The following RHD variants were observed in gnomAD, a reference collection of about 807,000 sequenced individuals.
RHD encodes blood group Rh(D) polypeptide.
RHD carries 16 observed loss-of-function variants against 45.5 expected under a neutral mutation model. That is an observed-to-expected ratio of 0.35 (90% CI 0.24 to 0.53). RHD has a LOEUF of 0.53. Ranked by LOEUF, RHD falls within the 20% of genes least tolerant of loss-of-function variation. The pLI is 0.92. For synonymous variants in RHD, 131 were observed against 217.5 expected, an observed-to-expected ratio of 0.60 and a Z score of 3.50; for missense variants, 306 against 532.0, an observed-to-expected ratio of 0.58 and a Z score of 4.18.
intron 6 of RHD, among the ~76,000 whole-genome samples, chr1:25,305,078 A>T (rs1466457263): frequency 4.5e-5 from 6 of 132,852 alleles, no homozygotes; most frequent in South Asian, 2.3e-4. Context: ...TGAGAACAGC[A>T]AGAGGGCACA....
chr1:25,302,280 T>C lies in RHD; in HGVS notation c.801+594T>C, dbSNP rs867067270. Among the ~76,000 whole-genome samples, 45 of 127,878 alleles carry C rather than the reference T, an allele frequency of 3.5e-4. 15 individuals carry two copies. The highest frequency in any genetic ancestry group is 7.6e-4 in the Admixed American group (10 of 13,154). 83.9% of individuals were successfully genotyped at this position (127,878 alleles called of 152,430 possible). On this transcript the variant is annotated intron_variant, in intron 5 of 9. Transcript: ENST00000328664. Reference sequence around the variant, plus strand: ...TGTGTGTGAGTCTTGTGGGCAGAGATGGGTGAGAGGGGAGACAAAACAAGT... The same window carrying C: ...TGTGTGTGAGTCTTGTGGGCAGAGACGGGTGAGAGGGGAGACAAAACAAGT...
chr1:25,305,407 TA>T (rs1643728406), intron 6 of RHD, among the ~76,000 whole-genome samples: 1 of 97,462 alleles, frequency 1.0e-5, no homozygotes, highest in Non-Finnish European at 2.2e-5. Context: ...TTTATTTATT[TA>T]TTTATTGAGA....
rs1354542719 is a variant in RHD at position 25,308,978 on chromosome 1, G to A, written c.1073+2249G>A. 1.5e-5 allele frequency among the ~76,000 whole-genome samples: 2 copies of A among 131,616 alleles called. 1 individual carries two copies. Among genetic ancestry groups the A allele is most frequent in the African/African-American group, 5.3e-5 (2 of 37,996 alleles). 86.3% of individuals were successfully genotyped at this position (131,616 alleles called of 152,430 possible). ...AGATTTAGCAACAGAACATAGCCCC[G>A]TTCTTTATGATGACTGATGCTGCAT... On this transcript the variant is annotated intron_variant, in intron 7 of 9. Transcript: ENST00000328664.
intron 7 of RHD, among the ~76,000 whole-genome samples, chr1:25,310,007 T>C (rs551172124): frequency 1.5e-5 from 2 of 132,884 alleles, no homozygotes; most frequent in South Asian, 4.6e-4. Flanking sequence ...CCAACTTATA[T>C]AGTATAAGCT....
At chr1:25,313,775 T>A (rs149991160) in intron 7 of RHD, among the ~76,000 whole-genome samples, 1,720 of 132,092 alleles carry the variant, frequency 0.013, 244 homozygotes, top group African/African-American at 0.041. Flanking sequence ...AAAACACATA[T>A]GTTAGAATTT....
rs1271548263 is a variant in RHD at position 25,316,417 on chromosome 1, C to T, written c.1074-583C>T. Among the ~76,000 whole-genome samples, 5 of 128,290 alleles carry T rather than the reference C, an allele frequency of 3.9e-5. 1 individual carries two copies. Among genetic ancestry groups the T allele is most frequent in the Non-Finnish European group, 7.3e-5 (4 of 54,616 alleles). The allele number at this position is 128,290 out of a possible 152,430, so 84.2% of individuals were successfully genotyped here. A position where few individuals can be genotyped will look rare whatever the true frequency, so the allele number is the denominator to read the frequency against. On this transcript the variant is annotated intron_variant, in intron 7 of 9. Transcript: ENST00000328664. Reference sequence around the variant, plus strand: ...GGCAGATCACTTGAGGTCAGGAGTTCGAGATCACCCTGGTCAACATGGTGA... The same window carrying T: ...GGCAGATCACTTGAGGTCAGGAGTTTGAGATCACCCTGGTCAACATGGTGA...
intron 6 of RHD, among the ~76,000 whole-genome samples, chr1:25,305,580 TA>T (rs1429604253): frequency 7.6e-5 from 9 of 117,958 alleles, no homozygotes; most frequent in African/African-American, 2.7e-4. Flanking sequence ...TGTGTGTATG[TA>T]TTTTGTTGTT....
At chr1:25,323,561 G>C (rs1644827779) in intron 9 of RHD, among the ~76,000 whole-genome samples, 1 of 126,234 alleles carries the variant, frequency 7.9e-6, no homozygotes, top group East Asian at 2.0e-4. Context: ...CCAGGCTCAG[G>C]AGATCCTCCC....
chr1:25,315,732 A>G (rs1644406499), intron 7 of RHD, among the ~76,000 whole-genome samples: 2 of 129,356 alleles, frequency 1.5e-5, no homozygotes, highest in Admixed American at 7.5e-5. Flanking sequence ...TCCTGACCTC[A>G]TGATCTGCCC....
In RHD at chr1:25,282,529, G is replaced by T. The variant is rs1403155292; in HGVS notation, c.149-2044G>T. On this transcript the variant is annotated intron_variant, in intron 1 of 9. Coordinates refer to ENST00000328664, the MANE Select transcript of RHD (RefSeq NM_016124.6). ...TTTATATGTCCAAAAGAGTCAACTG[G>T]TGGCAATTTAGTGAGGTTTAATCTA... is the stretch of plus-strand genomic sequence containing the variant. Among the ~76,000 whole-genome samples, 2 of 132,276 alleles carry T rather than the reference G, an allele frequency of 1.5e-5. 1 individual carries two copies. The highest frequency in any genetic ancestry group is 1.5e-4 in the Admixed American group (2 of 13,520). The allele number at this position is 132,276 out of a possible 152,430, so 86.8% of individuals were successfully genotyped here.
chr1:25,299,511 C>T (rs1406589674), intron 3 of RHD, among the ~76,000 whole-genome samples: 7 of 131,958 alleles, frequency 5.3e-5, no homozygotes, highest in African/African-American at 1.8e-4. Context: ...TCCCTCCACC[C>T]TGCCCTTGTT....
chr1:25,279,853 A>G (rs1404872967), intron 1 of RHD, among the ~76,000 whole-genome samples: 1 of 130,116 alleles, frequency 7.7e-6, no homozygotes, highest in South Asian at 2.3e-4. Flanking sequence ...TAGCACATCC[A>G]CTTCTTATCA....
In RHD at chr1:25,312,593, TA is replaced by T. The variant is rs1186921935; in HGVS notation, c.1074-4400del. Among the ~76,000 whole-genome samples the T allele has an allele frequency of 1.6e-5, 2 of 127,714 alleles. 1 individual carries two copies. Among genetic ancestry groups the T allele is most frequent in the Non-Finnish European group, 3.7e-5 (2 of 54,092 alleles). 83.8% of individuals were successfully genotyped at this position (127,714 alleles called of 152,430 possible). On this transcript the variant is annotated intron_variant, in intron 7 of 9. Transcript: ENST00000328664. ...GACCTGTCTCTACAAAAAATAAAAA[TA>T]AAAAAATTAGCCAGGTATTGTGGCA...
chr1:25,276,548 A>C (rs1361440616), intron 1 of RHD, among the ~76,000 whole-genome samples: 1 of 125,192 alleles, frequency 8.0e-6, no homozygotes, highest in African/African-American at 2.8e-5. Context: ...AAAAAAAAAA[A>C]AAAAAAACTT....
At position 25,312,982 on chromosome 1, in the gene RHD, C is replaced by T. The variant is rs1644249165; in HGVS notation, c.1074-4018C>T. Among the ~76,000 whole-genome samples the T allele has an allele frequency of 2.2e-5, 2 of 89,352 alleles. 1 individual carries two copies. Among genetic ancestry groups the T allele is most frequent in the Admixed American group, 2.7e-4 (2 of 7,424 alleles). The allele number at this position is 89,352 out of a possible 152,430, so 58.6% of individuals were successfully genotyped here. On this transcript the variant is annotated intron_variant, in intron 7 of 9. Coordinates refer to ENST00000328664, the MANE Select transcript of RHD (RefSeq NM_016124.6). Reference sequence around the variant, plus strand: ...TTTAGTGCTATTGGAATGAATTTTGCATGTAAGAAGGACATGCATTTTGGG... The same window carrying T: ...TTTAGTGCTATTGGAATGAATTTTGTATGTAAGAAGGACATGCATTTTGGG...
At chr1:25,319,525 G>C (rs1644585062) in intron 8 of RHD, among the ~76,000 whole-genome samples, 1 of 132,092 alleles carries the variant, frequency 7.6e-6, no homozygotes, top group Non-Finnish European at 1.8e-5. Context: ...GGGAGGATCA[G>C]TTGAGCTTGG....
At chr1:25,293,134 A>G (rs1642653924) in intron 3 of RHD, among the ~76,000 whole-genome samples, 1 of 131,696 alleles carries the variant, frequency 7.6e-6, no homozygotes. Context: ...AGGAGATGAG[A>G]AAGTGGAGAC....
At chr1:25,273,727 A>AAGCAATCTCAGT (rs1203961844) in intron 1 of RHD, among the ~76,000 whole-genome samples, 1 of 128,528 alleles carries the variant, frequency 7.8e-6, no homozygotes, top group Non-Finnish European at 1.8e-5. Flanking sequence ...AATGAGTTTC[A>AAGCAATCTCAGT]GGCATCTCAG....
At position 25,306,713 on chromosome 1, in the gene RHD, G is replaced by A. The variant is rs200307239; in HGVS notation, c.1057G>A (p.Gly353Arg). The A allele has an allele frequency of 3.3e-5, 45 of 1,377,508 alleles. 12 individuals carry two copies. The highest frequency in any genetic ancestry group is 7.1e-5 in the Admixed American group (4 of 56,130). 85.3% of individuals were successfully genotyped at this position (1,377,508 alleles called of 1,614,324 possible). A position where few individuals can be genotyped will look rare whatever the true frequency, so the allele number is the denominator to read the frequency against. The change falls in exon 7 of 10, where the codon GGA becomes AGA. Residue 353 changes from glycine (G) to arginine (R), a missense_variant. Gly to Arg is a moderately radical substitution (Grantham distance 125). Transcript: ENST00000328664. ...YIVLLVLDTV[G>R]AGNGMIGFQV... ...TGTGCTGCTGGTGCTTGATACCGTC[G>A]GAGCCGGCAATGGCATGTGGGTCAC...
Sources: gnomAD v4.1 joint callset for allele counts (sites outside exome capture counted in the v4.1 genomes callset) on GRCh38, gnomAD v4.1.1 for gene constraint, MANE v1.5 for transcripts, NCBI Gene and HGNC (gene_info 2026-07-23, HGNC 2026-07-21) for gene names.